The following KIDINS220 variants were observed in gnomAD, a reference collection of about 807,000 sequenced individuals.
KIDINS220 encodes kinase D interacting substrate 220.
A neutral mutation model predicts 157.6 loss-of-function variants in KIDINS220; 63 were observed. The observed-to-expected ratio is 0.40, with a 90% CI of 0.33 to 0.49. The LOEUF (loss-of-function observed/expected upper bound fraction) is 0.49. Among genes scored for constraint, KIDINS220 ranks in the 20% least tolerant of loss-of-function variants. The pLI is 0.66. For synonymous variants in KIDINS220, 732 were observed against 783.6 expected (o/e 0.93, Z 1.10); for missense variants, 1,772 against 2,171.2 (o/e 0.82, Z 3.65).
At chr2:8,792,646 C>T (rs1375757267) in intron 12 of KIDINS220, among the ~76,000 whole-genome samples, 7 of 152,094 alleles carry the variant, frequency 4.6e-5, no homozygotes, top group African/African-American at 7.2e-5. Flanking sequence ...TGCTAGCAAG[C>T]TTGTGGGGAA....
At chr2:8,793,397 G>A (rs1673467830) in intron 12 of KIDINS220, among the ~76,000 whole-genome samples, 1 of 152,164 alleles carries the variant, frequency 6.6e-6, no homozygotes, top group African/African-American at 2.4e-5. Flanking sequence ...TCAGGAGGCT[G>A]AGGTGGGAGC....
At chr2:8,805,406 C>T (rs1411281477) in intron 7 of KIDINS220, among the ~76,000 whole-genome samples, 2 of 152,238 alleles carry the variant, frequency 1.3e-5, no homozygotes, top group East Asian at 3.9e-4. Context: ...CCCTGGCAAC[C>T]AGCACCTCAA....
intron 4 of KIDINS220, among the ~76,000 whole-genome samples, 156 bp from the exon 5 acceptor site, chr2:8,813,491 C>A (rs1273116738): frequency 6.6e-6 from 1 of 152,182 alleles, no homozygotes; most frequent in Non-Finnish European, 1.5e-5. Flanking sequence ...TCCCCAAATA[C>A]AATAGTACAT....
chr2:8,740,156 C>A (rs1422585953), intron 26 of KIDINS220: 2 of 983,554 alleles, frequency 2.0e-6, no homozygotes, highest in Non-Finnish European at 2.4e-6. Context: ...CTGTACCTGT[C>A]TCTGTTTGTT....
chr2:8,825,712 T>G (rs976467901), intron 2 of KIDINS220: 1 of 152,212 alleles, frequency 6.6e-6, no homozygotes, highest in African/African-American at 2.4e-5. Flanking sequence ...TCCTTAAGTT[T>G]TGTAAAACAA....
rs139877199 is a variant in KIDINS220 at position 8,750,010 on chromosome 2, A to C, written c.3414+102T>G. 2.0e-4 allele frequency: 189 copies of C among 922,466 alleles called. 2 individuals are homozygous for C. Among genetic ancestry groups the C allele is most frequent in the East Asian group, 2.0e-3 (78 of 38,274 alleles). 57.1% of individuals were successfully genotyped at this position (922,466 alleles called of 1,614,324 possible). A position where few individuals can be genotyped will look rare whatever the true frequency, so the allele number is the denominator to read the frequency against. ...AAACTTTACATTTTTCCTATGCTAA[A>C]GCCAAAGTACAGCTTTAAAACCAAA... On this transcript the variant is annotated intron_variant, in intron 24 of 29. Transcript: ENST00000256707.
intron 8 of KIDINS220, 106 bp downstream of exon 8, chr2:8,802,824 A>T: frequency 1.2e-6 from 1 of 835,850 alleles, no homozygotes; most frequent in Non-Finnish European, 1.8e-6. Flanking sequence ...AACTTATTTT[A>T]AAACAAGTTT....
Position 8,789,153 on chromosome 2 carries a change from C to T in KIDINS220, c.1622-341G>A, listed in dbSNP as rs190139033. ...CTATTTCCTTTCTTGCAACTGAAGACACCCCCAAGAATAGGGATTATATTA... is the reference window on the plus strand; with the variant it reads ...CTATTTCCTTTCTTGCAACTGAAGATACCCCCAAGAATAGGGATTATATTA... On this transcript the variant is annotated intron_variant, in intron 14 of 29. Coordinates refer to ENST00000256707, the MANE Select transcript of KIDINS220 (RefSeq NM_020738.4). Among the ~76,000 whole-genome samples, 579 of 148,950 alleles carry T rather than the reference C, an allele frequency of 3.9e-3. 16 individuals carry two copies. Among genetic ancestry groups the T allele is most frequent in the Admixed American group, 0.036 (536 of 14,744 alleles).
At chr2:8,819,780 G>A (rs940720898) in intron 2 of KIDINS220, among the ~76,000 whole-genome samples, 2 of 151,950 alleles carry the variant, frequency 1.3e-5, no homozygotes, top group Admixed American at 6.6e-5. Flanking sequence ...AGCTGAGATC[G>A]CATCACTGCA....
chr2:8,813,154 G>A, intron 5 of KIDINS220, 83 bp downstream of exon 5: 2 of 795,354 alleles, frequency 2.5e-6, no homozygotes, highest in Non-Finnish European at 2.0e-6. Flanking sequence ...TACCCACCAC[G>A]AAGCCAAATA....
intron 22 of KIDINS220, chr2:8,757,402 A>G: frequency 1.7e-6 from 2 of 1,181,212 alleles, no homozygotes; most frequent in South Asian, 4.5e-5. Flanking sequence ...AGTTCAGTAA[A>G]TGCCAACAGT....
chr2:8,829,516 A>G lies in KIDINS220; in HGVS notation c.-36-2387T>C, dbSNP rs936971108. Among the ~76,000 whole-genome samples, 5 of 152,180 alleles carry G rather than the reference A, an allele frequency of 3.3e-5. No homozygotes were observed. The East Asian group carries it at 9.6e-4, about 29-fold the overall frequency. ...AAACAATTTTATCCATAAGAACAAA[A>G]ATCTTAGAAATGGATATTATATAAA... On this transcript the variant is annotated intron_variant, in intron 1 of 29. Coordinates refer to ENST00000256707, the MANE Select transcript of KIDINS220 (RefSeq NM_020738.4).
chr2:8,779,573 C>G, intron 18 of KIDINS220, 101 bp downstream of exon 18: 1 of 1,332,636 alleles, frequency 7.5e-7, no homozygotes, highest in Non-Finnish European at 1.0e-6. Context: ...ACTACTCAAA[C>G]AAAAACCAAT....
At chr2:8,810,352 A>C (rs1416457271) in intron 6 of KIDINS220, among the ~76,000 whole-genome samples, 1 of 152,216 alleles carries the variant, frequency 6.6e-6, no homozygotes, top group Non-Finnish European at 1.5e-5. Context: ...AGTGGGTACT[A>C]AACATTTTCT....
chr2:8,748,467 T>C (rs1666868810), intron 24 of KIDINS220, among the ~76,000 whole-genome samples: 1 of 152,226 alleles, frequency 6.6e-6, no homozygotes, highest in Admixed American at 6.5e-5. Flanking sequence ...CCAAGAATAA[T>C]GTTATTACAA....
chr2:8,834,269 T>C (rs1297265568), intron 1 of KIDINS220, among the ~76,000 whole-genome samples: 1 of 151,876 alleles, frequency 6.6e-6, no homozygotes, highest in East Asian at 1.9e-4. Flanking sequence ...TCACTCAAAA[T>C]CCCAGATCCC....
chr2:8,807,672 A>G (rs1438163062), intron 6 of KIDINS220, among the ~76,000 whole-genome samples: 1 of 152,196 alleles, frequency 6.6e-6, no homozygotes, highest in Non-Finnish European at 1.5e-5. Flanking sequence ...AGCCCTGGAC[A>G]GGCTTCCCAG....
chr2:8,832,020 C>G (rs560818264), intron 1 of KIDINS220, among the ~76,000 whole-genome samples: 1 of 152,196 alleles, frequency 6.6e-6, no homozygotes, highest in Non-Finnish European at 1.5e-5. Flanking sequence ...ATACCTCTTG[C>G]CTTTTCGTTA....
intron 27 of KIDINS220, among the ~76,000 whole-genome samples, chr2:8,735,798 G>T (rs1454724861): frequency 6.6e-6 from 1 of 152,188 alleles, no homozygotes; most frequent in East Asian, 1.9e-4. Context: ...CAACAATGCC[G>T]CGGAGCCCTA....
Sources: allele counts gnomAD v4.1 joint callset (sites outside exome capture counted in the v4.1 genomes callset), GRCh38; gene constraint gnomAD v4.1.1; transcripts MANE v1.5; gene names NCBI Gene and HGNC (gene_info 2026-07-23, HGNC 2026-07-21).